The following FBXO28 variants were observed in gnomAD, a reference collection of about 807,000 sequenced individuals.
FBXO28 encodes the protein F-box only protein 28.
A neutral mutation model predicts 38.1 loss-of-function variants in FBXO28; 8 were observed. The observed-to-expected ratio is 0.21, with a 90% CI of 0.12 to 0.38. The LOEUF is 0.38. FBXO28 is among the 10% of genes least tolerant of loss of function. FBXO28 has a pLI of 1.00. For missense variants in FBXO28, 345 were observed against 460.6 expected (o/e 0.75, Z 2.30); for synonymous variants, 168 against 173.8 (o/e 0.97, Z 0.26).
chr1:224,129,321 CAA>C lies in FBXO28; in HGVS notation c.268-1150_268-1149del, dbSNP rs549667870. 1.2e-4 allele frequency among the ~76,000 whole-genome samples: 18 copies of C among 152,278 alleles called. No homozygotes were observed. The South Asian group carries it at 2.9e-3, about 25-fold the overall frequency. On this transcript the variant is annotated intron_variant, in intron 1 of 4. Coordinates refer to ENST00000366862, the MANE Select transcript of FBXO28 (RefSeq NM_015176.4). ...CACCATTGCACTATAGCCTGGGTGA[CAA>C]GAGTGAAACTCCATCTCAAAAAGAT...
chr1:224,137,957 A>T (rs910233565), intron 3 of FBXO28, among the ~76,000 whole-genome samples: 1 of 151,778 alleles, frequency 6.6e-6, no homozygotes, highest in Non-Finnish European at 1.5e-5. Context: ...TGTGTAAAGA[A>T]TTCAGACAAC....
Position 224,136,567 on chromosome 1 carries a change from C to CA in FBXO28, c.516+2366dup, listed in dbSNP as rs112359233. ...TGAAACCCCATCTCTACTAAAAATA[C>CA]AAAAAAAAAAACTAGCTGGGCATGG... On this transcript the variant is annotated intron_variant, in intron 3 of 4. Transcript: ENST00000366862. Among the ~76,000 whole-genome samples the CA allele has an allele frequency of 3.1e-3, 428 of 139,636 alleles. 5 individuals are homozygous for CA. Among genetic ancestry groups the CA allele is most frequent in the African/African-American group, 8.5e-3 (321 of 37,732 alleles). 91.6% of individuals were successfully genotyped at this position (139,636 alleles called of 152,430 possible).
rs1351996538 is a variant in FBXO28 at position 224,161,730 on chromosome 1, T to C, written c.*3984T>C. On this transcript the variant is annotated 3_prime_UTR_variant, in exon 5 of 5. Transcript: ENST00000366862. ...ATCTTCCTAAGCATCTTGGTTAAATTTCTGAAGTTTAAAAATTAGATCCAG... is the reference window on the plus strand; with the variant it reads ...ATCTTCCTAAGCATCTTGGTTAAATCTCTGAAGTTTAAAAATTAGATCCAG... The C allele has an allele frequency of 6.6e-6, 1 of 152,216 alleles. No individual in the cohort carries two copies. The highest frequency in any genetic ancestry group is 6.5e-5 in the Admixed American group (1 of 15,280). The allele number at this position is 152,216 out of a possible 1,614,324, so 9.4% of individuals were successfully genotyped here. A position where few individuals can be genotyped will look rare whatever the true frequency, so the allele number is the denominator to read the frequency against.
chr1:224,157,998 T>A lies in FBXO28; in HGVS notation c.*252T>A. 1 of 1,238,878 alleles carries A rather than the reference T, an allele frequency of 8.1e-7. No homozygotes were observed. The highest frequency in any genetic ancestry group is 1.0e-6 in the Non-Finnish European group (1 of 990,520). 76.7% of individuals were successfully genotyped at this position (1,238,878 alleles called of 1,614,324 possible). On this transcript the variant is annotated 3_prime_UTR_variant, in exon 5 of 5. Transcript: ENST00000366862. ...TCTATCATGTTTTGAGGAGTTAACTTTTTTCTGTGCAGATAATGTTGAAAG... is the reference window on the plus strand; with the variant it reads ...TCTATCATGTTTTGAGGAGTTAACTATTTTCTGTGCAGATAATGTTGAAAG...
chr1:224,117,430 TATTTA>T (rs1465955704), intron 1 of FBXO28, among the ~76,000 whole-genome samples: 4 of 150,468 alleles, frequency 2.7e-5, no homozygotes, highest in Admixed American at 1.3e-4. Context: ...GGCCTGAATT[TATTTA>T]TTTTATTTTA....
intron 2 of FBXO28, among the ~76,000 whole-genome samples, chr1:224,133,726 G>A (rs1657110148): frequency 6.6e-6 from 1 of 151,806 alleles, no homozygotes; most frequent in Non-Finnish European, 1.5e-5. Flanking sequence ...GCCCAGCCTG[G>A]TCTCAAACTC....
intron 3 of FBXO28, among the ~76,000 whole-genome samples, chr1:224,140,636 T>C (rs879805526): frequency 6.6e-6 from 1 of 152,144 alleles, no homozygotes; most frequent in Non-Finnish European, 1.5e-5. Context: ...AATAAAAGTC[T>C]GTTTTCATAT....
chr1:224,121,860 C>T (rs1443446938), intron 1 of FBXO28, among the ~76,000 whole-genome samples: 1 of 152,164 alleles, frequency 6.6e-6, no homozygotes, highest in Non-Finnish European at 1.5e-5. Flanking sequence ...ATTGCCACCT[C>T]TGCCTCCTGG....
intron 3 of FBXO28, among the ~76,000 whole-genome samples, chr1:224,152,585 A>T (rs1340060158): frequency 6.6e-6 from 1 of 152,156 alleles, no homozygotes; most frequent in Non-Finnish European, 1.5e-5. Context: ...CTGATTCCTC[A>T]GTCCCAACAT....
chr1:224,127,927 T>C (rs1245400988), intron 1 of FBXO28, among the ~76,000 whole-genome samples: 2 of 152,132 alleles, frequency 1.3e-5, no homozygotes, highest in African/African-American at 4.8e-5. Context: ...CAAACATTAT[T>C]TATTAGAAAT....
At chr1:224,126,367 C>T (rs185227247) in intron 1 of FBXO28, among the ~76,000 whole-genome samples, 96 of 152,244 alleles carry the variant, frequency 6.3e-4, no homozygotes, top group Non-Finnish European at 1.0e-3. Context: ...TAATTTTTGT[C>T]TTTGTAAATA....
chr1:224,127,184 A>ATG (rs916334673), intron 1 of FBXO28, among the ~76,000 whole-genome samples: 21 of 51,482 alleles, frequency 4.1e-4, no homozygotes, highest in African/African-American at 9.5e-4. Flanking sequence ...GTGTGTGTGT[A>ATG]TGTGTGTGTG....
At chr1:224,126,297 G>A (rs528607168) in intron 1 of FBXO28, among the ~76,000 whole-genome samples, 4 of 152,278 alleles carry the variant, frequency 2.6e-5, no homozygotes, top group African/African-American at 7.2e-5. Context: ...ATTCAGTGCA[G>A]CAAAACTAGT....
chr1:224,135,714 G>A (rs140805829), intron 3 of FBXO28, among the ~76,000 whole-genome samples: 3 of 151,924 alleles, frequency 2.0e-5, no homozygotes, highest in Admixed American at 6.6e-5. Flanking sequence ...TCAGGCTCAC[G>A]TGTTTGGAAT....
At chr1:224,151,312 C>CCCAAGCCATTTCCTGTTCAGTTCT (rs1657642767) in intron 3 of FBXO28, among the ~76,000 whole-genome samples, 1 of 152,154 alleles carries the variant, frequency 6.6e-6, no homozygotes, top group South Asian at 2.1e-4. Context: ...ACCACCTCAG[C>CCCAAGCCATTTCCTGTTCAGTTCT]CCAAGCCATT....
In FBXO28 at chr1:224,114,297, C is replaced by G; in HGVS notation, c.168C>G (p.Asp56Glu). ...QALPAPALAP[D>E]QLPQNNTLVA... ...TCCCAGCCCCCGCGCTGGCTCCGGACCAGCTGCCTCAAAACAACACGCTTG... is the reference window on the plus strand; with the variant it reads ...TCCCAGCCCCCGCGCTGGCTCCGGAGCAGCTGCCTCAAAACAACACGCTTG... Residue 56 changes from aspartate (D) to glutamate (E), a missense_variant, in exon 1 of 5, where the codon GAC (aspartate) becomes GAG (glutamate). Physicochemically the swap from Asp to Glu is conservative, Grantham distance 45 (BLOSUM62 2). Coordinates refer to ENST00000366862, the MANE Select transcript of FBXO28 (RefSeq NM_015176.4). The G allele has an allele frequency of 1.3e-6, 2 of 1,564,154 alleles. No homozygotes were observed. The highest frequency in any genetic ancestry group is 1.7e-6 in the Non-Finnish European group (2 of 1,154,302).
intron 4 of FBXO28, among the ~76,000 whole-genome samples, chr1:224,155,680 T>TGTA (rs376921835): frequency 4.8e-4 from 73 of 152,356 alleles, no homozygotes; most frequent in African/African-American, 1.7e-3. Context: ...GTTAGCTCCC[T>TGTA]GTAGTACTCA....
At chr1:224,139,025 C>T (rs564810924) in intron 3 of FBXO28, among the ~76,000 whole-genome samples, 3 of 151,710 alleles carry the variant, frequency 2.0e-5, no homozygotes, top group Admixed American at 1.3e-4. Context: ...CCTTGTGATG[C>T]GCCCACCTTA....
chr1:224,139,859 C>T lies in FBXO28; in HGVS notation c.516+5647C>T, dbSNP rs1025034544. Among the ~76,000 whole-genome samples the T allele has an allele frequency of 3.3e-5, 5 of 152,044 alleles. No homozygotes were observed. The South Asian group carries it at 6.2e-4, about 19-fold the overall frequency. On this transcript the variant is annotated intron_variant, in intron 3 of 4. Transcript: ENST00000366862. ...ATCCTAATACTTTGGGAGGCTGAGA[C>T]GGGCAGATGGCTTGAAGCCGCCAGG...
Sources: gnomAD v4.1 joint callset for allele counts (sites outside exome capture counted in the v4.1 genomes callset) on GRCh38, gnomAD v4.1.1 for gene constraint, MANE v1.5 for transcripts, NCBI Gene and HGNC (gene_info 2026-07-23, HGNC 2026-07-21) for gene names.